The following WDR27 variants were observed in gnomAD, a reference collection of about 807,000 sequenced individuals.
WDR27 encodes the protein WD repeat-containing protein 27.
A neutral mutation model predicts 114.4 loss-of-function variants in WDR27; 100 were observed. That is an observed-to-expected ratio of 0.87 (90% CI 0.74 to 1.03). The LOEUF is 1.03. Among genes scored for constraint, WDR27 ranks in the 50% least tolerant of loss-of-function variants. The pLI, the probability that WDR27 is intolerant of heterozygous loss-of-function variation, is 0.00. For missense variants in WDR27, 1,129 were observed against 1,092.9 expected (o/e 1.03, Z -0.47); for synonymous variants, 449 against 423.1 (o/e 1.06, Z -0.75).
chr6:169,534,016 C>T (rs960178881), intron 25 of WDR27, among the ~76,000 whole-genome samples: 3 of 152,246 alleles, frequency 2.0e-5, no homozygotes, highest in African/African-American at 7.2e-5. Context: ...AAGACTGCTG[C>T]TAGTCACAGG....
At chr6:169,464,608 A>G (rs1439766436) in intron 25 of WDR27, among the ~76,000 whole-genome samples, 1 of 152,218 alleles carries the variant, frequency 6.6e-6, no homozygotes, top group Admixed American at 6.5e-5. Context: ...TTAAGAAAAT[A>G]TTTGCAAATC....
intron 2 of WDR27, among the ~76,000 whole-genome samples, chr6:169,678,570 G>C (rs1172550332): frequency 6.6e-6 from 1 of 152,096 alleles, no homozygotes; most frequent in Non-Finnish European, 1.5e-5. Context: ...TGATTGAGTT[G>C]ATGCTGGAAC....
chr6:169,611,799 T>C (rs1173598568), intron 22 of WDR27, among the ~76,000 whole-genome samples: 1 of 152,290 alleles, frequency 6.6e-6, no homozygotes, highest in East Asian at 1.9e-4. Flanking sequence ...CTGGAAGGTC[T>C]TCAGGGGCAG....
chr6:169,547,609 C>A (rs1797625008), intron 25 of WDR27, among the ~76,000 whole-genome samples: 1 of 152,036 alleles, frequency 6.6e-6, no homozygotes, highest in Admixed American at 6.6e-5. Context: ...ATACCACATC[C>A]ATTCATAATA....
At chr6:169,465,571 G>T (rs1264681449) in intron 25 of WDR27, among the ~76,000 whole-genome samples, 2 of 152,118 alleles carry the variant, frequency 1.3e-5, no homozygotes, top group East Asian at 3.9e-4. Flanking sequence ...TGAACGTAGG[G>T]TCTCTAGGAG....
chr6:169,698,781 G>A (rs138682256), intron 1 of WDR27, among the ~76,000 whole-genome samples: 44 of 152,348 alleles, frequency 2.9e-4, no homozygotes, highest in African/African-American at 1.0e-3. Flanking sequence ...CAAAGGCTGA[G>A]GAGAGGGGCC....
At chr6:169,488,709 A>G (rs1251565751) in intron 25 of WDR27, among the ~76,000 whole-genome samples, 1 of 152,194 alleles carries the variant, frequency 6.6e-6, no homozygotes, top group Non-Finnish European at 1.5e-5. Flanking sequence ...GCTAGCAGGG[A>G]GCAAATGTAA....
chr6:169,480,872 T>C (rs1201931582), intron 25 of WDR27, among the ~76,000 whole-genome samples: 1 of 147,766 alleles, frequency 6.8e-6, no homozygotes. Flanking sequence ...TAAAAGTTTG[T>C]AAACGCACCA....
intron 8 of WDR27, 61 bp from the exon 9 acceptor site, chr6:169,662,485 G>C (rs1197107513): frequency 6.3e-7 from 1 of 1,587,596 alleles, no homozygotes; most frequent in Non-Finnish European, 8.6e-7. Context: ...CAAGTTTAAA[G>C]GCTGAGGACT....
At chr6:169,664,377 C>T (rs1049266375) in intron 7 of WDR27, 91 bp from the exon 8 acceptor site, 7 of 1,598,130 alleles carry the variant, frequency 4.4e-6, no homozygotes, top group Middle Eastern at 1.7e-4. Context: ...GGAGGGCAGA[C>T]ACGTCACAGG....
At position 169,684,246 on chromosome 6, in the gene WDR27, C is replaced by G. The variant is rs1782333991; in HGVS notation, c.189+4571G>C. Among the ~76,000 whole-genome samples, 1 of 152,136 alleles carries G rather than the reference C, an allele frequency of 6.6e-6. No individual in the cohort carries two copies. Among genetic ancestry groups the G allele is most frequent in the African/African-American group, 2.4e-5 (1 of 41,428 alleles). The stretch of plus-strand genomic sequence containing the variant: ...AAACCATTGCACACCCTCCTCAAAG[C>G]AGGAGAGGCTCCTGAGACTCCTAAC... On this transcript the variant is annotated intron_variant, in intron 2 of 25. Coordinates refer to ENST00000448612, the MANE Select transcript of WDR27 (RefSeq NM_182552.5). The surrounding 1 kb of genome is among the most constrained non-coding windows in gnomAD (Gnocchi z 4.3).
the WDR27 span, among the ~76,000 whole-genome samples, chr6:169,448,022 G>A: frequency 3.3e-5 from 5 of 152,034 alleles, no homozygotes; most frequent in African/African-American, 1.2e-4. Context: ...ATTTCCCTAG[G>A]TCAAACATCT....
chr6:169,667,007 G>C, intron 6 of WDR27, 129 bp downstream of exon 6: 1 of 1,289,598 alleles, frequency 7.8e-7, no homozygotes, highest in Non-Finnish European at 9.9e-7. Flanking sequence ...GTGAAGGGCT[G>C]TAAGTCTGAG....
the WDR27 span, among the ~76,000 whole-genome samples, chr6:169,428,603 G>T: frequency 4.1e-4 from 61 of 148,436 alleles, no homozygotes; most frequent in African/African-American, 1.4e-3. Context: ...ACGGTGGCGG[G>T]GGGGAGGGGG....
At chr6:169,439,407 G>A in the WDR27 span, among the ~76,000 whole-genome samples, 1 of 151,972 alleles carries the variant, frequency 6.6e-6, no homozygotes, top group Non-Finnish European at 1.5e-5. Flanking sequence ...CATCTACAGT[G>A]CTGATTCTTA....
intron 25 of WDR27, among the ~76,000 whole-genome samples, chr6:169,458,084 C>T (rs1055951010): frequency 1.3e-5 from 2 of 152,058 alleles, no homozygotes; most frequent in African/African-American, 2.4e-5. Flanking sequence ...ACTTCCAGTA[C>T]TTTCAATTTA....
At chr6:169,531,739 C>T (rs1584018584) in intron 25 of WDR27, among the ~76,000 whole-genome samples, 1 of 151,690 alleles carries the variant, frequency 6.6e-6, no homozygotes, top group African/African-American at 2.4e-5. Flanking sequence ...CTGCAACCTC[C>T]ACCTTCTGGT....
chr6:169,633,216 A>G, intron 20 of WDR27, 148 bp from the exon 21 acceptor site: 1 of 911,324 alleles, frequency 1.1e-6, no homozygotes, highest in Non-Finnish European at 1.5e-6. Flanking sequence ...CCGCAGGAAA[A>G]GTCCTGAGTC....
chr6:169,580,275 T>G (rs1803157970), intron 24 of WDR27, among the ~76,000 whole-genome samples: 1 of 152,242 alleles, frequency 6.6e-6, no homozygotes, highest in African/African-American at 2.4e-5. Context: ...ACCTCCAAGT[T>G]TACCTGTGCT....
Sources: allele counts gnomAD v4.1 joint callset (sites outside exome capture counted in the v4.1 genomes callset), GRCh38; gene constraint gnomAD v4.1.1; non-coding constraint Gnocchi (gnomAD v3.1); transcripts MANE v1.5; gene names NCBI Gene and HGNC (gene_info 2026-07-23, HGNC 2026-07-21).